The following CDC34 variants were observed in gnomAD, a reference collection of about 807,000 sequenced individuals.
CDC34 encodes ubiquitin-conjugating enzyme E2 R1.
CDC34 carries 18 observed loss-of-function variants against 26.8 expected under a neutral mutation model. The observed-to-expected ratio is 0.67, with a 90% CI of 0.47 to 1.00. The LOEUF (loss-of-function observed/expected upper bound fraction) is 1.00, where lower values mean the gene tolerates loss of function less well. Among genes scored for constraint, CDC34 ranks in the 50% least tolerant of loss-of-function variants. The pLI is 0.00. For synonymous variants in CDC34, 178 were observed against 147.5 expected (o/e 1.21, Z -1.50); for missense variants, 280 against 334.5 (o/e 0.84, Z 1.27).
intron 3 of CDC34, 143 bp from the exon 4 acceptor site, chr19:536,870 C>G: frequency 1.1e-6 from 1 of 871,544 alleles, no homozygotes; most frequent in Non-Finnish European, 1.8e-6. Context: ...TTCTGGGGGC[C>G]TGAGACAGAA....
chr19:541,023 C>T (rs1979987230), intron 4 of CDC34, among the ~76,000 whole-genome samples: 1 of 152,224 alleles, frequency 6.6e-6, no homozygotes, highest in South Asian at 2.1e-4. Context: ...ATGGGCCCTC[C>T]CTGTTGCCGG....
intron 1 of CDC34, among the ~76,000 whole-genome samples, chr19:532,835 C>T (rs946660715): frequency 1.3e-5 from 2 of 152,200 alleles, no homozygotes; most frequent in Admixed American, 1.3e-4. Context: ...CCCTGCAGCT[C>T]TCTCCAGGCC....
chr19:533,161 G>A (rs1272761449), intron 1 of CDC34, among the ~76,000 whole-genome samples: 1 of 152,130 alleles, frequency 6.6e-6, no homozygotes, highest in Non-Finnish European at 1.5e-5. Flanking sequence ...CCTCGTTCTT[G>A]GGGCCAGAGG....
intron 1 of CDC34, among the ~76,000 whole-genome samples, chr19:534,339 G>A (rs1179817431): frequency 7.0e-6 from 1 of 142,734 alleles, no homozygotes; most frequent in African/African-American, 2.6e-5. Flanking sequence ...TGTCCAGGAG[G>A]GGCCCGTCCA....
rs1029585336 is a variant in CDC34 at position 541,862 on chromosome 19, C to T, written c.*310C>T. The T allele has an allele frequency of 2.8e-5, 6 of 217,200 alleles. No individual in the cohort carries two copies. Among genetic ancestry groups the T allele is most frequent in the Admixed American group, 5.5e-5 (1 of 18,020 alleles). 13.5% of individuals were successfully genotyped at this position (217,200 alleles called of 1,614,324 possible). A position where few individuals can be genotyped will look rare whatever the true frequency, so the allele number is the denominator to read the frequency against. On this transcript the variant is annotated 3_prime_UTR_variant, in exon 5 of 5. Transcript: ENST00000215574. ...GGGGTCCCCCAGCTTCCGGACTGGC[C>T]GCACCCCGGAGGAGCCACGGGGGCG...
At chr19:540,753 A>G (rs150686262) in intron 4 of CDC34, among the ~76,000 whole-genome samples, 4,090 of 49,444 alleles carry the variant, frequency 0.083, 1,070 homozygotes, top group African/African-American at 0.25. Flanking sequence ...GGAGGCTGGG[A>G]TGGCCAGGCC....
Position 539,231 on chromosome 19 carries a change from C to T in CDC34, c.497+2084C>T, listed in dbSNP as rs865956605. On this transcript the variant is annotated intron_variant, in intron 4 of 4. Transcript: ENST00000215574. The stretch of plus-strand genomic sequence containing the variant: ...ACAGGACCTCCAGACCGTCCTCCAG[C>T]TCATGCTGGCGGTGTGCCGGCGGCA... 8.5e-5 allele frequency among the ~76,000 whole-genome samples: 13 copies of T among 152,272 alleles called. 1 individual carries two copies. The Middle Eastern group carries it at 0.01, about 120-fold the overall frequency.
intron 3 of CDC34, 62 bp downstream of exon 3, chr19:536,402 A>G (rs527637452): frequency 7.9e-6 from 10 of 1,272,828 alleles, no homozygotes; most frequent in Non-Finnish European, 9.9e-6. Flanking sequence ...TCCGTCCCGT[A>G]TCCACCCAGA....
At chr19:534,265 C>T (rs985847603) in intron 1 of CDC34, among the ~76,000 whole-genome samples, 5 of 152,062 alleles carry the variant, frequency 3.3e-5, no homozygotes, top group Admixed American at 1.3e-4. Flanking sequence ...ACTTGCCTTA[C>T]GGGGCACCAG....
intron 4 of CDC34, chr19:539,143 G>A (rs907566066): frequency 1.0e-4 from 50 of 488,832 alleles, no homozygotes; most frequent in Middle Eastern, 1.0e-3. Context: ...CCCAAGTCCC[G>A]CTGAGCTGTG....
At chr19:533,170 G>A (rs1395852812) in intron 1 of CDC34, among the ~76,000 whole-genome samples, 6 of 152,172 alleles carry the variant, frequency 3.9e-5, no homozygotes, top group Non-Finnish European at 8.8e-5. Flanking sequence ...TGGGGCCAGA[G>A]GGACAAAGCG....
intron 1 of CDC34, among the ~76,000 whole-genome samples, chr19:532,435 G>A (rs1979537323): frequency 6.6e-6 from 1 of 152,192 alleles, no homozygotes; most frequent in African/African-American, 2.4e-5. Flanking sequence ...TGGGGCTCTT[G>A]CCCACCTCCT....
At chr19:536,788 G>T (rs913802628) in intron 3 of CDC34, 12 of 591,980 alleles carry the variant, frequency 2.0e-5, no homozygotes, top group African/African-American at 1.1e-4. Flanking sequence ...CTGACGGAGG[G>T]GTCTGCACCT....
At chr19:538,602 T>C (rs1191942965) in intron 4 of CDC34, 4 of 632,322 alleles carry the variant, frequency 6.3e-6, no homozygotes, top group Non-Finnish European at 7.9e-6. Context: ...TTTTTGTTGG[T>C]ATTTTGTATA....
chr19:539,881 C>T (rs1343763465), intron 4 of CDC34, among the ~76,000 whole-genome samples: 1 of 152,150 alleles, frequency 6.6e-6, no homozygotes, highest in East Asian at 1.9e-4. Flanking sequence ...CGGTGCAGCC[C>T]CTCATAGGGC....
At chr19:538,208 G>A (rs1174961363) in intron 4 of CDC34, among the ~76,000 whole-genome samples, 2 of 152,374 alleles carry the variant, frequency 1.3e-5, no homozygotes, top group East Asian at 3.9e-4. Context: ...TTAGTCAGGG[G>A]TGTTGGCCTT....
At chr19:536,673 G>T (rs1979769982) in intron 3 of CDC34, 3 of 535,954 alleles carry the variant, frequency 5.6e-6, no homozygotes. Flanking sequence ...CGTGCCACGT[G>T]TGCCGCCTGG....
intron 4 of CDC34, chr19:538,553 A>G (rs1428380314): frequency 4.1e-6 from 1 of 241,154 alleles, no homozygotes; most frequent in African/African-American, 2.4e-5. Flanking sequence ...TTTTTCTCAG[A>G]GTGATATTGC....
At chr19:538,686 A>G in intron 4 of CDC34, 1 of 984,538 alleles carries the variant, frequency 1.0e-6, no homozygotes, top group Non-Finnish European at 1.2e-6. Flanking sequence ...AGGACCCAGG[A>G]GCATCCAGGG....
Sources: allele counts gnomAD v4.1 joint callset (sites outside exome capture counted in the v4.1 genomes callset), GRCh38; gene constraint gnomAD v4.1.1; transcripts MANE v1.5; gene names NCBI Gene and HGNC (gene_info 2026-07-23, HGNC 2026-07-21).